FAM120B: variants seen among roughly 807,000 people sequenced by gnomAD.
The protein encoded by FAM120B is family with sequence similarity 120 member B.
A neutral mutation model predicts 96.3 loss-of-function variants in FAM120B; 83 were observed. That is an observed-to-expected ratio of 0.86 (90% CI 0.72 to 1.03). The LOEUF is 1.03. Ranked by LOEUF, FAM120B falls within the 50% of genes least tolerant of loss-of-function variation. FAM120B has a pLI of 0.00. For synonymous variants in FAM120B, 407 were observed against 402.7 expected (o/e 1.01, Z -0.13); for missense variants, 1,027 against 1,121.2 (o/e 0.92, Z 1.20).
intron 1 of FAM120B, among the ~76,000 whole-genome samples, chr6:170,310,154 G>A (rs563133617): frequency 2.0e-5 from 3 of 152,302 alleles, no homozygotes; most frequent in East Asian, 3.9e-4. Flanking sequence ...AAGGTAGTCC[G>A]TAGATGATAA....
At chr6:170,314,190 CT>C (rs1323666060) in intron 1 of FAM120B, among the ~76,000 whole-genome samples, 1 of 152,220 alleles carries the variant, frequency 6.6e-6, no homozygotes, top group Non-Finnish European at 1.5e-5. Context: ...TACCTTATGC[CT>C]GCTGCAGCTC....
chr6:170,329,888 C>G (rs1785891885), intron 3 of FAM120B, among the ~76,000 whole-genome samples: 2 of 152,182 alleles, frequency 1.3e-5, no homozygotes, highest in South Asian at 4.1e-4. Flanking sequence ...TGCCCCGCAT[C>G]GAAGCCCTCT....
At position 170,391,113 on chromosome 6, in the gene FAM120B, A is replaced by G. The variant is rs1790457714; in HGVS notation, c.2591A>G (p.His864Arg). 6.2e-7 allele frequency: 1 copy of G among 1,613,062 alleles called. No homozygotes were observed. The highest frequency in any genetic ancestry group is 1.1e-5 in the South Asian group (1 of 91,042). Residue 864 changes from histidine to arginine, a missense_variant, in exon 8 of 11, where the codon CAC becomes CGC. This residue lies in a region of FAM120B where 142 missense variants were observed against 122.5 expected (regional missense o/e 1.16). Coordinates refer to ENST00000476287, the MANE Select transcript of FAM120B (RefSeq NM_032448.3). ...ACTGGCCGAGCCCACTGGGGCTCAC[A>G]CCACGCAGGTGGGAAAGGGCCAGGT... is the stretch of plus-strand genomic sequence containing the variant. ...RITGRAHWGS[H>R]HAGRWGRQGS...
intron 6 of FAM120B, among the ~76,000 whole-genome samples, chr6:170,369,403 A>G (rs193056385): frequency 6.6e-6 from 1 of 152,318 alleles, no homozygotes; most frequent in Non-Finnish European, 1.5e-5. Context: ...GACTTTGCCC[A>G]TAGTCCTCAT....
chr6:170,388,810 A>T (rs989185304), intron 7 of FAM120B, among the ~76,000 whole-genome samples: 6 of 152,230 alleles, frequency 3.9e-5, no homozygotes, highest in African/African-American at 7.2e-5. Flanking sequence ...TCTGCAGTGG[A>T]AAACCTGTAT....
intron 4 of FAM120B, among the ~76,000 whole-genome samples, chr6:170,344,700 C>T (rs544966893): frequency 6.6e-6 from 1 of 152,332 alleles, no homozygotes; most frequent in East Asian, 1.9e-4. Context: ...CTAATCGTTG[C>T]GTGGATCCAT....
intron 4 of FAM120B, among the ~76,000 whole-genome samples, chr6:170,340,270 CT>C (rs1233531251): frequency 6.6e-6 from 1 of 152,154 alleles, no homozygotes; most frequent in Admixed American, 6.5e-5. Context: ...CTTTCTAACA[CT>C]TGATTGATTT....
chr6:170,324,052 G>T (rs764513827), intron 3 of FAM120B, among the ~76,000 whole-genome samples: 2 of 152,166 alleles, frequency 1.3e-5, no homozygotes, highest in Non-Finnish European at 2.9e-5. Flanking sequence ...CTATTACCAG[G>T]ATAAGAGAGA....
At chr6:170,364,047 T>A (rs942059119) in intron 6 of FAM120B, among the ~76,000 whole-genome samples, 1 of 152,214 alleles carries the variant, frequency 6.6e-6, no homozygotes, top group Non-Finnish European at 1.5e-5. Flanking sequence ...CATAATTTTT[T>A]AAAAATGTGT....
chr6:170,291,191 C>T (rs1335310011), upstream of FAM120B: 3 of 648,886 alleles, frequency 4.6e-6, no homozygotes, highest in Non-Finnish European at 8.4e-6. Context: ...AAAACGCACT[C>T]ATTTACATTC....
At chr6:170,386,675 G>C (rs1176374300) in intron 6 of FAM120B, among the ~76,000 whole-genome samples, 1 of 152,198 alleles carries the variant, frequency 6.6e-6, no homozygotes, top group Non-Finnish European at 1.5e-5. Flanking sequence ...AGACACCGAA[G>C]GAGGAACCAG....
chr6:170,297,056 C>T (rs1784030856), intron 1 of FAM120B, among the ~76,000 whole-genome samples: 1 of 152,212 alleles, frequency 6.6e-6, no homozygotes, highest in Admixed American at 6.5e-5. Flanking sequence ...ACGCGGGGGG[C>T]TTCAAGGCCC....
At chr6:170,361,713 A>G (rs963811987) in intron 6 of FAM120B, among the ~76,000 whole-genome samples, 4 of 152,170 alleles carry the variant, frequency 2.6e-5, no homozygotes, top group Non-Finnish European at 5.9e-5. Flanking sequence ...AGGACATGTG[A>G]TCCTTCATAC....
chr6:170,347,488 C>G (rs1388871350), intron 4 of FAM120B, among the ~76,000 whole-genome samples: 1 of 152,122 alleles, frequency 6.6e-6, no homozygotes, highest in East Asian at 1.9e-4. Context: ...GTTTAAACAT[C>G]TATATAAAAT....
intron 6 of FAM120B, among the ~76,000 whole-genome samples, chr6:170,374,518 T>G (rs917291954): frequency 2.0e-5 from 3 of 152,222 alleles, no homozygotes; most frequent in African/African-American, 7.2e-5. Flanking sequence ...CAGAATTGTT[T>G]AATGTTTATT....
At chr6:170,403,546 G>T (rs1014625340) in intron 9 of FAM120B, among the ~76,000 whole-genome samples, 1 of 152,042 alleles carries the variant, frequency 6.6e-6, no homozygotes, top group Non-Finnish European at 1.5e-5. Context: ...GGACAGGTAG[G>T]GGGTCCTGGG....
At chr6:170,302,575 A>G (rs1784165128), upstream of FAM120B, among the ~76,000 whole-genome samples, 1 of 152,244 alleles carries the variant, frequency 6.6e-6, no homozygotes, top group African/African-American at 2.4e-5. Context: ...AACCTGTCCC[A>G]GATGCCCCTG....
At chr6:170,377,774 C>T (rs1310219210) in intron 6 of FAM120B, among the ~76,000 whole-genome samples, 8 of 139,110 alleles carry the variant, frequency 5.8e-5, no homozygotes, top group Admixed American at 2.8e-4. Context: ...GCTGTGCACA[C>T]GCGTCCCTAA....
At chr6:170,303,011 G>C (rs990607483), upstream of FAM120B, among the ~76,000 whole-genome samples, 1 of 152,214 alleles carries the variant, frequency 6.6e-6, no homozygotes, top group African/African-American at 2.4e-5. Flanking sequence ...ATTGGAATTT[G>C]AGTGACAGTC....
Sources: gnomAD v4.1 joint callset for allele counts (sites outside exome capture counted in the v4.1 genomes callset) on GRCh38, gnomAD v4.1.1 for gene constraint, gnomAD v4.1.1 regional missense constraint, MANE v1.5 for transcripts, NCBI Gene and HGNC (gene_info 2026-07-23, HGNC 2026-07-21) for gene names.